METTL25B: variants seen among roughly 807,000 people sequenced by gnomAD.
The protein encoded by METTL25B is methyltransferase-like protein 25B.
A neutral mutation model predicts 48.4 loss-of-function variants in METTL25B; 38 were observed. That is an observed-to-expected ratio of 0.78 (90% CI 0.61 to 1.03). The LOEUF is 1.03. METTL25B is among the 50% of genes least tolerant of loss of function. The pLI is 0.00. For missense variants in METTL25B, 537 were observed against 603.7 expected (o/e 0.89, Z 1.16); for synonymous variants, 230 against 254.5 (o/e 0.90, Z 0.92).
Position 156,728,479 on chromosome 1 carries a change from G to C in METTL25B, c.-626G>C, listed in dbSNP as rs925975677. ...CCGGATGCGGAAATCGGTGCGCGCC[G>C]ACGAAGCCCGGGAAGGCAGGCGCGC... is the stretch of plus-strand genomic sequence containing the variant. On this transcript the variant is annotated 5_prime_UTR_variant, in exon 1 of 8. Transcript: ENST00000368216. 1.9e-5 allele frequency: 19 copies of C among 985,624 alleles called. No homozygotes were observed. Among genetic ancestry groups the C allele is most frequent in the Middle Eastern group, 1.0e-3 (2 of 1,914 alleles). 61.1% of individuals were successfully genotyped at this position (985,624 alleles called of 1,614,324 possible).
At chr1:156,729,433 C>CTTTTTTTTTTTTTTTTCT in intron 1 of METTL25B, 1 of 240,170 alleles carries the variant, frequency 4.2e-6, no homozygotes, top group Non-Finnish European at 7.6e-6. Context: ...TTTTTTTTTT[C>CTTTTTTTTTTTTTTTTCT]TTTTTTTTTT....
chr1:156,730,160 G>C (rs1473902946), intron 1 of METTL25B, among the ~76,000 whole-genome samples: 2 of 152,128 alleles, frequency 1.3e-5, no homozygotes, highest in African/African-American at 2.4e-5. Context: ...ATGTAAATCT[G>C]ATCACGACAA....
chr1:156,733,302 C>G, intron 4 of METTL25B, 75 bp from the exon 5 acceptor site: 1 of 1,545,624 alleles, frequency 6.5e-7, no homozygotes, highest in Non-Finnish European at 8.8e-7. Flanking sequence ...ACCCAGGTGT[C>G]CAGGTTACCC....
At position 156,732,315 on chromosome 1, in the gene METTL25B, C is replaced by CT. The variant is rs768507424; in HGVS notation, c.272dup (p.Lys92GlufsTer46). ...AGTGTGGCCACTCACCCTGCTGGCC[C>CT]TGAAGTCCACGGCGTGTGCCCTGGC... On this transcript the variant is annotated frameshift_variant, in exon 3 of 8. Transcript: ENST00000368216. LOFTEE classifies it high-confidence loss of function. 33 of 1,614,264 alleles carry CT rather than the reference C, an allele frequency of 2.0e-5. 1 individual carries two copies. The highest frequency in any genetic ancestry group is 3.3e-4 in the Middle Eastern group (2 of 6,062).
In METTL25B at chr1:156,732,367, C is replaced by A; in HGVS notation, c.323C>A (p.Thr108Asn). 1 of 1,614,168 alleles carries A rather than the reference C, an allele frequency of 6.2e-7. No individual in the cohort carries two copies. Among genetic ancestry groups the A allele is most frequent in the Non-Finnish European group, 8.5e-7 (1 of 1,180,030 alleles). Residue 108 changes from threonine (T) to asparagine (N), a missense_variant, in exon 3 of 8, where the codon ACC becomes AAC. By Grantham distance (65) the Thr-to-Asn change is moderately conservative. Coordinates refer to ENST00000368216, the MANE Select transcript of METTL25B (RefSeq NM_015997.4). ...TTTACCCGGATGCCTGGCTTTCAGA[C>A]CCCCTCAGAATTCCTGGAGAACCCC... ...LAFTRMPGFQ[T>N]PSEFLENPSQ...
rs1649586538 is a variant in METTL25B, at chr1:156,734,593, G to A, written c.1121+100G>A. ...GTTGCCCAGGCTGGAGTGCAGTGGA[G>A]CGATCTCGGCTCACTGCAAGCTCTG... On this transcript the variant is annotated intron_variant, in intron 6 of 7. Transcript: ENST00000368216. 1.2e-5 allele frequency: 16 copies of A among 1,281,884 alleles called. 1 individual carries two copies. In the South Asian group the frequency reaches 2.2e-4, roughly 18 times the overall value. 79.4% of individuals were successfully genotyped at this position (1,281,884 alleles called of 1,614,324 possible). A position where few individuals can be genotyped will look rare whatever the true frequency, so the allele number is the denominator to read the frequency against.
Position 156,728,847 on chromosome 1 carries a change from C to T in METTL25B, c.-258C>T. 2.7e-6 allele frequency: 2 copies of T among 740,770 alleles called. No homozygotes were observed. The highest frequency in any genetic ancestry group is 3.8e-6 in the Non-Finnish European group (2 of 525,040). The allele number at this position is 740,770 out of a possible 1,614,324, so 45.9% of individuals were successfully genotyped here. On this transcript the variant is annotated 5_prime_UTR_variant, in exon 1 of 8. Coordinates refer to ENST00000368216, the MANE Select transcript of METTL25B (RefSeq NM_015997.4). The stretch of plus-strand genomic sequence containing the variant: ...GGCACGCTTTTGTGGCGTCACTGCA[C>T]TGTTACCCCGCCCTACGTGTCTCTG...
chr1:156,736,125 T>C (rs1649772724), intron 7 of METTL25B: 13 of 406,782 alleles, frequency 3.2e-5, no homozygotes, highest in Non-Finnish European at 5.3e-5. Flanking sequence ...CCCAGCACTT[T>C]AGGAGGCCAG....
In METTL25B at chr1:156,729,196, TC is replaced by T. The variant is rs756495516; in HGVS notation, c.93del (p.Leu32TrpfsTer28). On this transcript the variant is annotated frameshift_variant, in exon 1 of 8. Transcript: ENST00000368216. LOFTEE classifies it high-confidence loss of function. ...LTRVLALYRS[I>X]LDAYIIEFFT... is the part of the protein sequence containing the mutation. ...CGTGTCCTGGCACTCTACCGTTCCA[TC>T]TTGGATGCCTACATCATCGTGAGGC... 3 of 1,608,920 alleles carry T rather than the reference TC, an allele frequency of 1.9e-6. No individual in the cohort carries two copies. The African/African-American group carries it at 4.0e-5, about 22-fold the overall frequency.
intron 6 of METTL25B, among the ~76,000 whole-genome samples, chr1:156,735,128 A>C (rs1422633245): frequency 6.6e-6 from 1 of 151,586 alleles, no homozygotes; most frequent in African/African-American, 2.4e-5. Context: ...GTCCCTACTA[A>C]AAATACAAAA....
chr1:156,734,540 T>C (rs1230736128), intron 6 of METTL25B, 47 bp downstream of exon 6: 1 of 1,468,016 alleles, frequency 6.8e-7, no homozygotes, highest in Admixed American at 2.7e-5. Context: ...AGATTTCTTT[T>C]TTTTTTTTTG....
chr1:156,732,405 C>A lies in METTL25B; in HGVS notation c.361C>A (p.Arg121=), dbSNP rs774588183. 1.2e-6 allele frequency: 2 copies of A among 1,614,152 alleles called. No homozygotes were observed. The highest frequency in any genetic ancestry group is 2.2e-5 in the East Asian group (1 of 44,868). Reference sequence around the variant, plus strand: ...CCTGGAGAACCCCAGCCAGAGCTCCCGACTAACAGCTCCATTCCGGAAACA... The same window carrying A: ...CCTGGAGAACCCCAGCCAGAGCTCCAGACTAACAGCTCCATTCCGGAAACA... The part of the protein sequence containing the change: ...EFLENPSQSS[R]LTAPFRKHVR... The change falls in exon 3 of 8, where the codon CGA becomes AGA. Residue 121 remains arginine, a synonymous_variant. Coordinates refer to ENST00000368216, the MANE Select transcript of METTL25B (RefSeq NM_015997.4).
At chr1:156,733,711 C>A in intron 5 of METTL25B, 191 bp downstream of exon 5, 1 of 691,230 alleles carries the variant, frequency 1.4e-6, no homozygotes, top group Non-Finnish European at 2.4e-6. Context: ...TTTCTATTTA[C>A]AAAGTGCTTT....
chr1:156,733,960 G>T, intron 5 of METTL25B, 49 bp from the exon 6 acceptor site: 1 of 1,547,602 alleles, frequency 6.5e-7, no homozygotes, highest in South Asian at 1.2e-5. Context: ...GTGGCCTGGG[G>T]ACAGCAAACA....
rs1649738584 is a variant in METTL25B, at chr1:156,735,846, C to G, written c.1243C>G (p.Leu415Val). 6.2e-7 allele frequency: 1 copy of G among 1,613,080 alleles called. No homozygotes were observed. Among genetic ancestry groups the G allele is most frequent in the African/African-American group, 1.3e-5 (1 of 74,676 alleles). ...GGTGGCCTTCTTCAGCCTGGCTCTA[C>G]TGCTTGCCCCACTGGTGGAGACGCT... ...RVVAFFSLAL[L>V]LAPLVETLIL... The change falls in exon 7 of 8, where the codon CTG becomes GTG. Residue 415 changes from leucine to valine, a missense_variant. Transcript: ENST00000368216.
intron 1 of METTL25B, among the ~76,000 whole-genome samples, chr1:156,730,604 C>T (rs1649202815): frequency 6.6e-6 from 1 of 151,926 alleles, no homozygotes; most frequent in South Asian, 2.1e-4. Context: ...TGGCAGCACA[C>T]ACCTGTAGTC....
chr1:156,733,093 T>A, intron 4 of METTL25B, 46 bp downstream of exon 4: 1 of 1,557,240 alleles, frequency 6.4e-7, no homozygotes, highest in Non-Finnish European at 8.8e-7. Flanking sequence ...CATGGGGACA[T>A]AGAACACCTG....
chr1:156,732,684 C>G (rs1649399065), intron 3 of METTL25B, among the ~76,000 whole-genome samples: 1 of 152,148 alleles, frequency 6.6e-6, no homozygotes, highest in Admixed American at 6.5e-5. Context: ...GAATCACTGT[C>G]TCATTCCTGT....
chr1:156,729,344 C>A, intron 1 of METTL25B, 129 bp downstream of exon 1: 1 of 613,504 alleles, frequency 1.6e-6, no homozygotes, highest in Non-Finnish European at 2.8e-6. Context: ...TTTTTCTGTA[C>A]AAGAAGGGGT....
Sources: gnomAD v4.1 joint callset for allele counts (sites outside exome capture counted in the v4.1 genomes callset) on GRCh38, gnomAD v4.1.1 for gene constraint, MANE v1.5 for transcripts, NCBI Gene and HGNC (gene_info 2026-07-23, HGNC 2026-07-21) for gene names.